The following OLAH variants were observed in gnomAD, a reference collection of about 807,000 sequenced individuals.
OLAH encodes oleoyl-ACP hydrolase, also known as S-acyl fatty acid synthase thioesterase, medium chain.
OLAH carries 33 observed loss-of-function variants against 27.8 expected under a neutral mutation model. The observed-to-expected ratio is 1.19, with a 90% CI of 0.90 to 1.59. OLAH has a LOEUF of 1.59. Among genes scored for constraint, OLAH ranks in the 40% most tolerant of loss-of-function variants. The pLI, the probability that OLAH is intolerant of heterozygous loss-of-function variation, is 0.00. For synonymous variants in OLAH, 120 were observed against 102.9 expected, an observed-to-expected ratio of 1.17 and a Z score of -1.01; for missense variants, 359 against 310.8, an observed-to-expected ratio of 1.16 and a Z score of -1.17.
intron 1 of OLAH, among the ~76,000 whole-genome samples, chr10:15,034,706 A>G (rs1843813619): frequency 6.6e-6 from 1 of 152,182 alleles, no homozygotes; most frequent in Non-Finnish European, 1.5e-5. Flanking sequence ...GGTGGGTTCC[A>G]CTGTGGCCTA....
chr10:15,035,706 G>T (rs1163183178), intron 1 of OLAH, among the ~76,000 whole-genome samples: 1 of 152,070 alleles, frequency 6.6e-6, no homozygotes, highest in Non-Finnish European at 1.5e-5. Context: ...AGCATTTTAC[G>T]CTATCTTCTC....
chr10:15,052,226 C>A (rs946604753), intron 3 of OLAH, among the ~76,000 whole-genome samples: 2 of 151,932 alleles, frequency 1.3e-5, no homozygotes, highest in Admixed American at 6.6e-5. Flanking sequence ...GAGATTGCTG[C>A]GAGCCGAGAT....
In OLAH at chr10:15,047,324, GGCCACCCCTTGT is replaced by G; in HGVS notation, c.32+11_32+22del. The G allele has an allele frequency of 1.2e-6, 2 of 1,613,420 alleles. No individual in the cohort carries two copies. Among genetic ancestry groups the G allele is most frequent in the Non-Finnish European group, 1.7e-6 (2 of 1,179,772 alleles). ...GAGACCAACCTAAGAGAACCAGGCA[GGCCACCCCTTGT>G]GCCACCAGGCTCTTCCTCCATCCCA... On this transcript the variant is annotated splice_donor_5th_base_variant and intron_variant, in intron 2 of 7. Coordinates refer to ENST00000378228, the MANE Select transcript of OLAH (RefSeq NM_001039702.3).
upstream of OLAH, among the ~76,000 whole-genome samples, chr10:15,042,688 C>T (rs190945335): frequency 1.1e-4 from 16 of 152,184 alleles, no homozygotes; most frequent in East Asian, 2.7e-3. Flanking sequence ...TTATCAATTC[C>T]TACTGGTTTC....
At chr10:15,050,114 A>G (rs188298431) in intron 3 of OLAH, among the ~76,000 whole-genome samples, 277 of 152,312 alleles carry the variant, frequency 1.8e-3, no homozygotes, top group Non-Finnish European at 3.2e-3. Context: ...GAATTAATAC[A>G]GAGTCTAAAA....
upstream of OLAH, among the ~76,000 whole-genome samples, chr10:15,042,821 C>G (rs1020522980): frequency 6.7e-6 from 1 of 149,720 alleles, no homozygotes; most frequent in East Asian, 2.0e-4. Flanking sequence ...CTTGGATTTG[C>G]CCTCTGGTCT....
intron 6 of OLAH, among the ~76,000 whole-genome samples, chr10:15,070,090 C>T (rs1345464812): frequency 7.9e-5 from 12 of 151,962 alleles, no homozygotes; most frequent in Non-Finnish European, 1.3e-4. Context: ...TCTAACTTGC[C>T]TTGCAAACAC....
rs189303208 is a variant in OLAH at position 15,054,101 on chromosome 10, C to T, written c.163+4336C>T. 2.9e-3 allele frequency among the ~76,000 whole-genome samples: 443 copies of T among 150,262 alleles called. 2 individuals are homozygous for T. Among genetic ancestry groups the T allele is most frequent in the African/African-American group, 0.011 (428 of 40,762 alleles). ...TCACCCAGGCTGAAGTTCAGTGGCG[C>T]AATCTCAGCTCACTGCAACCTCTGT... On this transcript the variant is annotated intron_variant, in intron 3 of 7. Coordinates refer to ENST00000378228, the MANE Select transcript of OLAH (RefSeq NM_001039702.3).
At chr10:15,051,080 T>TATTA (rs1554813738) in intron 3 of OLAH, among the ~76,000 whole-genome samples, 57 of 88,294 alleles carry the variant, frequency 6.5e-4, no homozygotes, top group Admixed American at 9.3e-4. Flanking sequence ...TTATTATTAT[T>TATTA]TTTTTTTTTT....
Position 15,049,639 on chromosome 10 carries a change from G to A in OLAH, c.37G>A (p.Glu13Lys). ...RGDQPKRTRNENIFNCLYKNP... is the reference protein window; with the variant it reads ...RGDQPKRTRNKNIFNCLYKNP... ...ATATTTGAATTTTCTCCCTAGGAAT[G>A]AAAACATTTTCAACTGCTTATACAA... Residue 13 changes from glutamate (E) to lysine (K), a missense_variant, in exon 3 of 8, where the codon GAA becomes AAA. Coordinates refer to ENST00000378228, the MANE Select transcript of OLAH (RefSeq NM_001039702.3). 6.3e-7 allele frequency: 1 copy of A among 1,579,680 alleles called. No individual in the cohort carries two copies. Among genetic ancestry groups the A allele is most frequent in the Non-Finnish European group, 8.6e-7 (1 of 1,165,004 alleles).
At chr10:15,054,117 C>T (rs372186766) in intron 3 of OLAH, among the ~76,000 whole-genome samples, 8 of 150,766 alleles carry the variant, frequency 5.3e-5, no homozygotes, top group Admixed American at 1.3e-4. Context: ...CAGCTCACTG[C>T]AACCTCTGTC....
At chr10:15,060,598 C>G (rs141155826) in intron 3 of OLAH, among the ~76,000 whole-genome samples, 4 of 152,014 alleles carry the variant, frequency 2.6e-5, no homozygotes, top group African/African-American at 9.7e-5. Context: ...TACATCTCTA[C>G]GAGTTCCATT....
rs1361051556 is a variant in OLAH, at chr10:15,071,805, C to T, written c.583C>T (p.Pro195Ser). Residue 195 changes from proline to serine, a missense_variant, in exon 7 of 8, where the codon CCA (proline) becomes TCA (serine). Transcript: ENST00000378228. ...CTTTTATGTTTATAGCTCTAACGTA[C>T]CATCTAAGGCTGTTCTTTCCTGTGA... Reference protein sequence around the residue: ...NIVRSCTSNVPSKAVLSCDLT... With the variant: ...NIVRSCTSNVSSKAVLSCDLT... The T allele has an allele frequency of 3.1e-6, 5 of 1,611,874 alleles. No individual in the cohort carries two copies. The highest frequency in any genetic ancestry group is 1.7e-5 in the Admixed American group (1 of 59,990).
At chr10:15,035,124 T>C (rs1394518603) in intron 1 of OLAH, among the ~76,000 whole-genome samples, 1 of 151,880 alleles carries the variant, frequency 6.6e-6, no homozygotes, top group Non-Finnish European at 1.5e-5. Flanking sequence ...CTCCCAGAAG[T>C]AGGAGTTTGC....
chr10:15,038,715 T>C (rs1204928992), intron 1 of OLAH: 1 of 152,198 alleles, frequency 6.6e-6, no homozygotes, highest in African/African-American at 2.4e-5. Context: ...CCAGTATAAA[T>C]TACCCAGTCT....
intron 1 of OLAH, among the ~76,000 whole-genome samples, chr10:15,045,191 C>T (rs1446998814): frequency 3.3e-5 from 5 of 152,176 alleles, no homozygotes; most frequent in African/African-American, 7.2e-5. Context: ...TAAACTTGGA[C>T]AGTGGTTAAA....
chr10:15,053,622 AG>A (rs1465125015), intron 3 of OLAH, among the ~76,000 whole-genome samples: 3 of 152,150 alleles, frequency 2.0e-5, no homozygotes, highest in African/African-American at 7.2e-5. Context: ...CCCAAGTCAA[AG>A]GTCAAACAGG....
chr10:15,071,203 G>C (rs75037821), intron 6 of OLAH, among the ~76,000 whole-genome samples: 74 of 152,072 alleles, frequency 4.9e-4, no homozygotes, highest in African/African-American at 1.7e-3. Context: ...GACTTGCCTT[G>C]ACCCTGTCCC....
At chr10:15,042,974 G>C (rs61842414), upstream of OLAH, among the ~76,000 whole-genome samples, 7 of 147,022 alleles carry the variant, frequency 4.8e-5, no homozygotes, top group East Asian at 2.1e-4. Flanking sequence ...CATTCTCCTG[G>C]CTCAGCCTCC....
Sources: gnomAD v4.1 joint callset for allele counts (sites outside exome capture counted in the v4.1 genomes callset) on GRCh38, gnomAD v4.1.1 for gene constraint, MANE v1.5 for transcripts, NCBI Gene and HGNC (gene_info 2026-07-23, HGNC 2026-07-21) for gene names.